OTUD3: variants seen among roughly 807,000 people sequenced by gnomAD.
OTUD3 encodes OTU deubiquitinase 3.
A neutral mutation model predicts 46.2 loss-of-function variants in OTUD3; 24 were observed. The observed-to-expected ratio is 0.52, with a 90% confidence interval of 0.38 to 0.73. The LOEUF (loss-of-function observed/expected upper bound fraction) is 0.73, where lower values mean the gene tolerates loss of function less well. Ranked by LOEUF, OTUD3 falls within the 30% of genes least tolerant of loss-of-function variation. The probability of loss-of-function intolerance (pLI) is 0.00; values close to 1 mark genes in which losing one functional copy is unlikely to be tolerated. For synonymous variants in OTUD3, 189 were observed against 195.4 expected (o/e 0.97, Z 0.27); for missense variants, 455 against 523.3 (o/e 0.87, Z 1.27).
chr1:19,889,847 T>C (rs1250575938), intron 1 of OTUD3, among the ~76,000 whole-genome samples: 2 of 152,236 alleles, frequency 1.3e-5, no homozygotes, highest in Non-Finnish European at 2.9e-5. Flanking sequence ...TTCTCCACTA[T>C]GTTCTTAGGA....
At chr1:19,900,753 A>G (rs2045575441) in intron 4 of OTUD3, among the ~76,000 whole-genome samples, 1 of 151,760 alleles carries the variant, frequency 6.6e-6, no homozygotes, top group South Asian at 2.1e-4. Flanking sequence ...TTGATGCCTC[A>G]TTGTTTTAGT....
intron 6 of OTUD3, 51 bp from the exon 7 acceptor site, chr1:19,906,381 C>CT: frequency 6.5e-7 from 1 of 1,547,422 alleles, no homozygotes; most frequent in Non-Finnish European, 8.9e-7. Context: ...CAGTCATCAC[C>CT]CTGTGTAACT....
intron 6 of OTUD3, 87 bp from the exon 7 acceptor site, chr1:19,906,345 C>T (rs1327591967): frequency 2.6e-6 from 3 of 1,170,210 alleles, no homozygotes; most frequent in African/African-American, 1.5e-5. Flanking sequence ...GAAGTAGGGA[C>T]CCAGGTAATT....
rs201731406 is a variant in OTUD3 at position 19,907,684 on chromosome 1, A to G, written c.1135A>G (p.Ser379Gly). The G allele has an allele frequency of 3.0e-5, 49 of 1,614,116 alleles. No homozygotes were observed. The highest frequency in any genetic ancestry group is 3.3e-5 in the Admixed American group (2 of 60,010). Reference sequence around the variant, plus strand: ...AGGTAGCCACAGGGACAATAACAGAAGCGAAGCAGAGGCGAACACGCAGGT... The same window carrying G: ...AGGTAGCCACAGGGACAATAACAGAGGCGAAGCAGAGGCGAACACGCAGGT... The part of the protein sequence containing the change: ...SRGSHRDNNR[S>G]EAEANTQVTL... The change falls in exon 8 of 8, where the codon AGC becomes GGC. Residue 379 changes from serine (S) to glycine (G), a missense_variant. Ser to Gly is a moderately conservative substitution (Grantham distance 56). Coordinates refer to ENST00000375120, the MANE Select transcript of OTUD3 (RefSeq NM_015207.2).
intron 4 of OTUD3, among the ~76,000 whole-genome samples, chr1:19,902,781 AAGAC>A (rs2045608443): frequency 6.6e-6 from 1 of 152,138 alleles, no homozygotes; most frequent in African/African-American, 2.4e-5. Flanking sequence ...ATCATCTACA[AAGAC>A]AGATTACTTT....
intron 3 of OTUD3, among the ~76,000 whole-genome samples, chr1:19,896,329 A>T (rs1329263317): frequency 6.6e-6 from 1 of 151,442 alleles, no homozygotes; most frequent in Non-Finnish European, 1.5e-5. Context: ...GTCACAGTTA[A>T]CAATTTGGTG....
chr1:19,893,923 C>G (rs950495416), intron 2 of OTUD3, among the ~76,000 whole-genome samples: 1 of 152,250 alleles, frequency 6.6e-6, no homozygotes, highest in African/African-American at 2.4e-5. Flanking sequence ...TGTACCAGCT[C>G]TTTGACCTTG....
chr1:19,900,922 T>G (rs529260990), intron 4 of OTUD3, among the ~76,000 whole-genome samples: 289 of 147,344 alleles, frequency 2.0e-3, no homozygotes, highest in Admixed American at 4.8e-3. Flanking sequence ...TTTTGTTTTT[T>G]TTTTTTTTTT....
intron 4 of OTUD3, among the ~76,000 whole-genome samples, chr1:19,900,916 G>GTTTTTTTTTTT (rs990933093): frequency 1.7e-5 from 2 of 115,666 alleles, no homozygotes. Flanking sequence ...TTTTTTTTTT[G>GTTTTTTTTTTT]TTTTTTTTTT....
intron 4 of OTUD3, among the ~76,000 whole-genome samples, chr1:19,898,934 A>G (rs1001516635): frequency 6.6e-5 from 10 of 152,064 alleles, no homozygotes; most frequent in South Asian, 4.1e-4. Flanking sequence ...CCTTGGCCTC[A>G]TGAGTAACTA....
chr1:19,905,317 A>T (rs2045644610), intron 6 of OTUD3, among the ~76,000 whole-genome samples: 1 of 152,176 alleles, frequency 6.6e-6, no homozygotes, highest in African/African-American at 2.4e-5. Flanking sequence ...CAAAATGATA[A>T]CCAAAATAAA....
chr1:19,890,265 T>G, intron 1 of OTUD3, 120 bp from the exon 2 acceptor site: 2 of 947,528 alleles, frequency 2.1e-6, no homozygotes, highest in Non-Finnish European at 3.3e-6. Context: ...CTATTAGAGT[T>G]GAGTCTTTAC....
At chr1:19,896,118 A>T (rs958328985) in intron 3 of OTUD3, among the ~76,000 whole-genome samples, 1 of 152,146 alleles carries the variant, frequency 6.6e-6, no homozygotes, top group Non-Finnish European at 1.5e-5. Context: ...CATCTTATAA[A>T]ATTTAAGAAC....
chr1:19,886,613 TA>T (rs898891113), intron 1 of OTUD3, among the ~76,000 whole-genome samples: 162 of 152,084 alleles, frequency 1.1e-3, no homozygotes, highest in Non-Finnish European at 1.8e-3. Flanking sequence ...TGATGTTTTT[TA>T]AAAAAAAATT....
chr1:19,890,979 A>G (rs568719175), intron 2 of OTUD3, among the ~76,000 whole-genome samples: 218 of 152,356 alleles, frequency 1.4e-3, no homozygotes, highest in African/African-American at 5.0e-3. Context: ...AATAGCATCT[A>G]TCTCACAGGG....
chr1:19,911,842 C>T lies in OTUD3; in HGVS notation c.*4096C>T, dbSNP rs2045737216. ...CACCACGTGCACTTAGGATGCAGAG[C>T]TTACCGCACACCGCTGATGGGGACC... On this transcript the variant is annotated 3_prime_UTR_variant, in exon 8 of 8. Transcript: ENST00000375120. The T allele has an allele frequency of 6.6e-6, 1 of 152,316 alleles. No individual in the cohort carries two copies. Among genetic ancestry groups the T allele is most frequent in the Non-Finnish European group, 1.5e-5 (1 of 68,030 alleles). The allele number at this position is 152,316 out of a possible 1,614,324, so 9.4% of individuals were successfully genotyped here. A position where few individuals can be genotyped will look rare whatever the true frequency, so the allele number is the denominator to read the frequency against.
rs1373950438 is a variant in OTUD3 at position 19,912,482 on chromosome 1, C to T, written c.*4736C>T. The T allele has an allele frequency of 6.5e-6, 1 of 153,088 alleles. No individual in the cohort carries two copies. The highest frequency in any genetic ancestry group is 1.5e-5 in the Non-Finnish European group (1 of 68,126). 9.5% of individuals were successfully genotyped at this position (153,088 alleles called of 1,614,324 possible). A position where few individuals can be genotyped will look rare whatever the true frequency, so the allele number is the denominator to read the frequency against. ...AAGGGCCAGGAGTCAGACGTCACAC[C>T]CGGGGGCTCCCCTTTCCCATGTAGA... On this transcript the variant is annotated 3_prime_UTR_variant, in exon 8 of 8. Coordinates refer to ENST00000375120, the MANE Select transcript of OTUD3 (RefSeq NM_015207.2).
Position 19,908,543 on chromosome 1 carries a change from G to T in OTUD3, c.*797G>T, listed in dbSNP as rs1405583630. ...TGTTACTGCTTGTGATACAGTTCTG[G>T]AATTCTGATAGTGTGTAGAGCAGGG... On this transcript the variant is annotated 3_prime_UTR_variant, in exon 8 of 8. Coordinates refer to ENST00000375120, the MANE Select transcript of OTUD3 (RefSeq NM_015207.2). 1 of 152,346 alleles carries T rather than the reference G, an allele frequency of 6.6e-6. No individual in the cohort carries two copies. Among genetic ancestry groups the T allele is most frequent in the Non-Finnish European group, 1.5e-5 (1 of 68,044 alleles). The allele number at this position is 152,346 out of a possible 1,614,324, so 9.4% of individuals were successfully genotyped here.
chr1:19,898,902 G>A (rs907225911), intron 4 of OTUD3, among the ~76,000 whole-genome samples: 2 of 152,010 alleles, frequency 1.3e-5, no homozygotes, highest in African/African-American at 4.8e-5. Flanking sequence ...GCTTGTCTAC[G>A]TGGACTCCAG....
Sources: allele counts gnomAD v4.1 joint callset (sites outside exome capture counted in the v4.1 genomes callset), GRCh38; gene constraint gnomAD v4.1.1; transcripts MANE v1.5; gene names NCBI Gene and HGNC (gene_info 2026-07-23, HGNC 2026-07-21).